Variants in NBEA observed in about 807,000 individuals in gnomAD.
The protein encoded by NBEA is neurobeachin.
A neutral mutation model predicts 343.4 loss-of-function variants in NBEA; 44 were observed. The ratio of observed to expected loss-of-function variants is 0.13; its 90% CI spans 0.10 to 0.16. The LOEUF is 0.16. Ranked by LOEUF, NBEA falls within the 10% of genes least tolerant of loss-of-function variation. NBEA has a pLI of 1.00. For synonymous variants in NBEA, 1,175 were observed against 1,238.7 expected (o/e 0.95, Z 1.08); for missense variants, 2,555 against 3,631.3 (o/e 0.70, Z 7.62).
chr13:34,977,979 A>T (rs548561148), intron 1 of NBEA, among the ~76,000 whole-genome samples: 58 of 150,236 alleles, frequency 3.9e-4, no homozygotes, highest in African/African-American at 1.1e-3. Context: ...GATTAAAAAA[A>T]TTTTTTTTTT....
chr13:35,581,822 A>G lies in NBEA; in HGVS notation c.7036-2076A>G, dbSNP rs567568504. On this transcript the variant is annotated intron_variant, in intron 45 of 58. Transcript: ENST00000379939. ...TGGGTGCAGCGCACCAGCATGGCAC[A>G]TGTATACATATGTAACTAACCTGCA... 4.0e-5 allele frequency among the ~76,000 whole-genome samples: 6 copies of G among 150,460 alleles called. No homozygotes were observed. The East Asian group carries it at 1.2e-3, about 30-fold the overall frequency.
chr13:35,552,007 A>G (rs1004054605), intron 43 of NBEA, among the ~76,000 whole-genome samples: 9 of 152,194 alleles, frequency 5.9e-5, no homozygotes, highest in Non-Finnish European at 4.4e-5. Flanking sequence ...GGTTTTATGG[A>G]AAAAGATACC....
chr13:35,229,019 G>A (rs1422861993), intron 33 of NBEA, among the ~76,000 whole-genome samples: 1 of 151,970 alleles, frequency 6.6e-6, no homozygotes, highest in Non-Finnish European at 1.5e-5. Flanking sequence ...TAGACTAAAT[G>A]AATAGTTTTT....
intron 32 of NBEA, among the ~76,000 whole-genome samples, chr13:35,210,382 G>A (rs1053605066): frequency 6.6e-6 from 1 of 152,010 alleles, no homozygotes; most frequent in African/African-American, 2.4e-5. Context: ...GCTATAAAAT[G>A]TTATAGTGGA....
intron 45 of NBEA, 55 bp downstream of exon 45, chr13:35,567,072 T>C: frequency 1.1e-6 from 1 of 930,022 alleles, no homozygotes; most frequent in South Asian, 1.5e-5. Flanking sequence ...AGTCTAATAG[T>C]ATTTCTGTCA....
At chr13:35,669,735 A>G (rs942083430) in intron 58 of NBEA, among the ~76,000 whole-genome samples, 3 of 152,184 alleles carry the variant, frequency 2.0e-5, no homozygotes, top group Non-Finnish European at 1.5e-5. Flanking sequence ...TGCCATCATC[A>G]TAGGTTGAGT....
chr13:35,195,914 C>T lies in NBEA; in HGVS notation c.4978C>T (p.Pro1660Ser). The T allele has an allele frequency of 6.2e-7, 1 of 1,612,562 alleles. No individual in the cohort carries two copies. Among genetic ancestry groups the T allele is most frequent in the East Asian group, 2.2e-5 (1 of 44,788 alleles). ...DTIKEKETPT[P>S]GEDIQVESSI... ...CATAAAAGAAAAAGAAACACCAACT[C>T]CTGGTGAAGATATTCAGGTAGAAAG... Residue 1660 changes from proline to serine, a missense_variant, in exon 31 of 59, where the codon CCT (proline) becomes TCT (serine). Coordinates refer to ENST00000379939, the MANE Select transcript of NBEA (RefSeq NM_001385012.1).
intron 40 of NBEA, among the ~76,000 whole-genome samples, chr13:35,467,291 G>A (rs541367481): frequency 1.3e-5 from 2 of 152,128 alleles, no homozygotes; most frequent in South Asian, 2.1e-4. Flanking sequence ...GGCCAACATG[G>A]TGAAACACCA....
intron 1 of NBEA, among the ~76,000 whole-genome samples, chr13:34,980,349 T>A (rs900307633): frequency 6.6e-6 from 1 of 152,056 alleles, no homozygotes; most frequent in Non-Finnish European, 1.5e-5. Flanking sequence ...CATGTATCTC[T>A]CTAATTTACT....
chr13:35,061,197 G>A (rs1297588094), intron 8 of NBEA, among the ~76,000 whole-genome samples: 1 of 151,542 alleles, frequency 6.6e-6, no homozygotes, highest in African/African-American at 2.4e-5. Flanking sequence ...TTGTTCTGTC[G>A]AATTTTTGGT....
At chr13:35,601,875 TGATTTTTG>T (rs2082072644) in intron 47 of NBEA, among the ~76,000 whole-genome samples, 3 of 152,124 alleles carry the variant, frequency 2.0e-5, no homozygotes, top group South Asian at 4.1e-4. Flanking sequence ...TATCTGGGTT[TGATTTTTG>T]GCCTTACTAC....
chr13:35,482,799 T>C (rs915851175), intron 41 of NBEA, among the ~76,000 whole-genome samples: 1 of 151,892 alleles, frequency 6.6e-6, no homozygotes, highest in African/African-American at 2.4e-5. Flanking sequence ...TGTGCCATTC[T>C]ATGAATTCTG....
chr13:35,290,572 A>C, intron 35 of NBEA, 122 bp downstream of exon 35: 1 of 604,580 alleles, frequency 1.7e-6, no homozygotes, highest in South Asian at 2.3e-5. Flanking sequence ...CTATTATCCC[A>C]TAGATGGAGA....
At chr13:35,019,233 T>C (rs1008417770) in intron 1 of NBEA, among the ~76,000 whole-genome samples, 1 of 151,910 alleles carries the variant, frequency 6.6e-6, no homozygotes, top group East Asian at 1.9e-4. Flanking sequence ...GGTTTTCTGA[T>C]TTTGTTACCA....
At chr13:35,520,197 A>G (rs528403558) in intron 41 of NBEA, among the ~76,000 whole-genome samples, 98 of 152,332 alleles carry the variant, frequency 6.4e-4, no homozygotes, top group Non-Finnish European at 1.2e-3. Context: ...TGTAAAGCCC[A>G]GTACCAGCCC....
chr13:35,490,365 G>A (rs143018080), intron 41 of NBEA, among the ~76,000 whole-genome samples: 1 of 151,902 alleles, frequency 6.6e-6, no homozygotes, highest in African/African-American at 2.4e-5. Context: ...ACCCTTAAGG[G>A]CAAGTACCAC....
chr13:35,234,427 A>G (rs9600365), intron 34 of NBEA, among the ~76,000 whole-genome samples: 25,317 of 152,198 alleles, frequency 0.17, 2,305 homozygotes, highest in African/African-American at 0.23. Context: ...ACACAAAATC[A>G]TGTATTCATT....
chr13:35,268,152 A>C (rs1238457561), intron 34 of NBEA, among the ~76,000 whole-genome samples: 1 of 152,120 alleles, frequency 6.6e-6, no homozygotes, highest in Non-Finnish European at 1.5e-5. Context: ...TGTGGTACAC[A>C]TGCAGGGGAA....
chr13:35,472,253 T>C (rs1045335243), intron 40 of NBEA, 147 bp from the exon 41 acceptor site: 2 of 761,170 alleles, frequency 2.6e-6, no homozygotes, highest in Non-Finnish European at 4.1e-6. Flanking sequence ...GTAGTCCTTA[T>C]CTTACGTGAA....
Sources: allele counts gnomAD v4.1 joint callset (sites outside exome capture counted in the v4.1 genomes callset), GRCh38; gene constraint gnomAD v4.1.1; transcripts MANE v1.5; gene names NCBI Gene and HGNC (gene_info 2026-07-23, HGNC 2026-07-21).